The following RPL10A variants were observed in gnomAD, a reference collection of about 807,000 sequenced individuals.
RPL10A encodes large ribosomal subunit protein uL1.
In RPL10A, 11 loss-of-function variants were observed where a neutral mutation model predicts 24.6. The ratio of observed to expected loss-of-function variants is 0.45; its 90% CI spans 0.28 to 0.74. The LOEUF (loss-of-function observed/expected upper bound fraction) is 0.74. Among genes scored for constraint, RPL10A ranks in the 30% least tolerant of loss-of-function variants. The probability of loss-of-function intolerance (pLI) is 0.13; values close to 1 mark genes in which losing one functional copy is unlikely to be tolerated. For synonymous variants in RPL10A, 98 were observed against 108.5 expected (o/e 0.90, Z 0.60); for missense variants, 136 against 273.1 (o/e 0.50, Z 3.54).
At chr6:35,468,902 G>C (rs940253003) in intron 2 of RPL10A, 29 bp downstream of exon 2, 1 of 1,613,290 alleles carries the variant, frequency 6.2e-7, no homozygotes, top group African/African-American at 1.3e-5. Flanking sequence ...GCACGGCGCG[G>C]GTGGCGAGGG....
Position 35,469,463 on chromosome 6 carries a change from A to C in RPL10A, c.244A>C (p.Ile82Leu). 1 of 1,613,898 alleles carries C rather than the reference A, an allele frequency of 6.2e-7. No individual in the cohort carries two copies. Among genetic ancestry groups the C allele is most frequent in the Non-Finnish European group, 8.5e-7 (1 of 1,179,962 alleles). Reference protein sequence around the residue: ...QHCDEAKAVDIPHMDIEALKK... With the variant: ...QHCDEAKAVDLPHMDIEALKK... The stretch of plus-strand genomic sequence containing the variant: ...CTGTGACGAGGCTAAGGCCGTGGAT[A>C]TCCCCCACATGGACATCGAGGCGCT... The change falls in exon 4 of 6, where the codon ATC becomes CTC. Residue 82 changes from isoleucine (I) to leucine (L), a missense_variant. Physicochemically the swap from Ile to Leu is conservative, Grantham distance 5 (BLOSUM62 2). Coordinates refer to ENST00000322203, the MANE Select transcript of RPL10A (RefSeq NM_007104.5).
Position 35,469,504 on chromosome 6 carries a change from G to A in RPL10A, c.285G>A (p.Lys95=). ...MDIEALKKLN[K]NKKLVKKLAK... ...TCGAGGCGCTGAAAAAACTCAACAA[G>A]AATAAAAAACTGGTCAAGAAGCTGG... is the stretch of plus-strand genomic sequence containing the variant. The change falls in exon 4 of 6, where the codon AAG becomes AAA. Residue 95 remains lysine, a synonymous_variant. Coordinates refer to ENST00000322203, the MANE Select transcript of RPL10A (RefSeq NM_007104.5). 1 of 1,613,952 alleles carries A rather than the reference G, an allele frequency of 6.2e-7. No individual in the cohort carries two copies. The highest frequency in any genetic ancestry group is 8.5e-7 in the Non-Finnish European group (1 of 1,179,940).
intron 4 of RPL10A, 25 bp downstream of exon 4, chr6:35,469,554 C>G (rs1767979702): frequency 1.2e-5 from 19 of 1,606,510 alleles, no homozygotes; most frequent in Non-Finnish European, 1.6e-5. Flanking sequence ...TGTGGTTTTG[C>G]ATGTGAGATG....
chr6:35,468,630 G>C lies in RPL10A; in HGVS notation c.6-169G>C, dbSNP rs540114689. ...ACTGAGAGCCTCCCTCTTCCACCGG[G>C]GCTTGGGTCTGGGTCTGAGCTCCCG... On this transcript the variant is annotated intron_variant, in intron 1 of 5. Transcript: ENST00000322203. 11 of 1,522,404 alleles carry C rather than the reference G, an allele frequency of 7.2e-6. No individual in the cohort carries two copies. The Admixed American group carries it at 1.6e-4, about 22-fold the overall frequency. The allele number at this position is 1,522,404 out of a possible 1,614,324, so 94.3% of individuals were successfully genotyped here. A position where few individuals can be genotyped will look rare whatever the true frequency, so the allele number is the denominator to read the frequency against.
rs756616855 is a variant in RPL10A, at chr6:35,469,574, G to A, written c.310+45G>A. 12 of 1,584,642 alleles carry A rather than the reference G, an allele frequency of 7.6e-6. No homozygotes were observed. In the East Asian group the frequency reaches 1.1e-4, roughly 15 times the overall value. On this transcript the variant is annotated intron_variant, in intron 4 of 5. Transcript: ENST00000322203. ...TTTTGCATGTGAGATGTGTGGTGGG[G>A]GCGGTAGAAAGGCTTTTCTGCCATT... is the stretch of plus-strand genomic sequence containing the variant.
rs746738265 is a variant in RPL10A at position 35,468,862 on chromosome 6, C to T, written c.69C>T (p.Arg23=). 4 of 1,612,564 alleles carry T rather than the reference C, an allele frequency of 2.5e-6. No homozygotes were observed. The highest frequency in any genetic ancestry group is 3.4e-6 in the Non-Finnish European group (4 of 1,179,360). Residue 23 remains arginine, a synonymous_variant, in exon 2 of 6, where the codon CGC becomes CGT. Transcript: ENST00000322203. ...AVREVLHGNQ[R]KRRKFLETVE... Reference sequence around the variant, plus strand: ...GGGAAGTCCTGCACGGGAACCAGCGCAAGCGCCGCAAGTGAGTGCCGACCC... The same window carrying T: ...GGGAAGTCCTGCACGGGAACCAGCGTAAGCGCCGCAAGTGAGTGCCGACCC...
intron 3 of RPL10A, 166 bp downstream of exon 3, chr6:35,469,193 T>C: frequency 2.0e-6 from 3 of 1,466,238 alleles, no homozygotes; most frequent in Non-Finnish European, 1.8e-6. Context: ...CCCTGGGTCT[T>C]AAAACATGAG....
chr6:35,469,418 G>T lies in RPL10A; in HGVS notation c.199G>T (p.Val67Phe). The T allele has an allele frequency of 6.2e-7, 1 of 1,612,652 alleles. No individual in the cohort carries two copies. Among genetic ancestry groups the T allele is most frequent in the Non-Finnish European group, 8.5e-7 (1 of 1,179,828 alleles). ...STPRPKFSVC[V>F]LGDQQHCDEA... ...TCCCCGCCCTAAGTTCTCTGTGTGT[G>T]TCCTGGGGGACCAGCAGCACTGTGA... Residue 67 changes from valine (V) to phenylalanine (F), a missense_variant, in exon 4 of 6, where the codon GTC becomes TTC. Val to Phe is a conservative substitution (Grantham distance 50). Coordinates refer to ENST00000322203, the MANE Select transcript of RPL10A (RefSeq NM_007104.5).
At chr6:35,469,742 T>C (rs1767985628) in intron 4 of RPL10A, among the ~76,000 whole-genome samples, 1 of 152,108 alleles carries the variant, frequency 6.6e-6, no homozygotes, top group Admixed American at 6.5e-5. Context: ...GGCCAGGCAT[T>C]GTAAGTTGAC....
chr6:35,468,709 C>CCGT (rs1320750514), intron 1 of RPL10A, 90 bp from the exon 2 acceptor site: 1 of 1,538,054 alleles, frequency 6.5e-7, no homozygotes, highest in Non-Finnish European at 8.8e-7. Flanking sequence ...GGCCGCCCGC[C>CCGT]CGTCTCGAAG....
At chr6:35,468,609 A>AG in intron 1 of RPL10A, 170 bp downstream of exon 1, 1 of 1,539,624 alleles carries the variant, frequency 6.5e-7, no homozygotes. Context: ...CCGATCACTG[A>AG]GAGCCTCCCT....
chr6:35,469,657 G>A (rs866033714), intron 4 of RPL10A, 128 bp downstream of exon 4: 3 of 1,103,924 alleles, frequency 2.7e-6, no homozygotes. Flanking sequence ...TGGTTGCCTA[G>A]CTTGCCTGAG....
At chr6:35,469,296 G>A in intron 3 of RPL10A, 85 bp from the exon 4 acceptor site, 1 of 1,511,462 alleles carries the variant, frequency 6.6e-7, no homozygotes, top group African/African-American at 1.4e-5. Context: ...GTAAGGCTCG[G>A]TGGCTGCTGC....
intron 4 of RPL10A, among the ~76,000 whole-genome samples, 199 bp downstream of exon 4, chr6:35,469,728 G>A (rs1259275587): frequency 2.0e-5 from 3 of 152,158 alleles, no homozygotes; most frequent in African/African-American, 7.2e-5. Flanking sequence ...CAGTTGATGA[G>A]GGAGGCCAGG....
chr6:35,469,771 CTATGAT>C (rs1767986205), intron 4 of RPL10A, among the ~76,000 whole-genome samples: 1 of 151,118 alleles, frequency 6.6e-6, no homozygotes, highest in African/African-American at 2.5e-5. Context: ...TGCTGGTGAA[CTATGAT>C]TTGGAAATCT....
chr6:35,468,721 C>A (rs1561799172), intron 1 of RPL10A, 78 bp from the exon 2 acceptor site: 1 of 1,545,364 alleles, frequency 6.5e-7, no homozygotes, highest in Non-Finnish European at 8.7e-7. Context: ...GTCTCGAAGC[C>A]TAGACCTCGG....
chr6:35,468,475 C>G, intron 1 of RPL10A, 36 bp downstream of exon 1: 1 of 1,613,832 alleles, frequency 6.2e-7, no homozygotes, highest in Non-Finnish European at 8.5e-7. Context: ...CGCGTTCATC[C>G]GCGCCTTCAG....
chr6:35,469,778 T>C (rs1220347728), intron 4 of RPL10A, among the ~76,000 whole-genome samples: 1 of 150,882 alleles, frequency 6.6e-6, no homozygotes, highest in African/African-American at 2.5e-5. Flanking sequence ...GAACTATGAT[T>C]TGGAAATCTT....
chr6:35,468,544 G>A, intron 1 of RPL10A, 105 bp downstream of exon 1: 1 of 1,606,898 alleles, frequency 6.2e-7, no homozygotes, highest in South Asian at 1.1e-5. Context: ...CGCCACCTGC[G>A]CCGCGGGGCA....
Sources: allele counts gnomAD v4.1 joint callset (sites outside exome capture counted in the v4.1 genomes callset), GRCh38; gene constraint gnomAD v4.1.1; transcripts MANE v1.5; gene names NCBI Gene and HGNC (gene_info 2026-07-23, HGNC 2026-07-21).